Variants in BCAS3 observed in about 807,000 individuals in gnomAD.
BCAS3 encodes BCAS3 microtubule associated cell migration factor, also known as BCAS4/BCAS3 fusion.
A neutral mutation model predicts 116.1 loss-of-function variants in BCAS3; 53 were observed. The observed-to-expected ratio is 0.46, with a 90% CI of 0.37 to 0.57. BCAS3 has a LOEUF of 0.57. Ranked by LOEUF, BCAS3 falls within the 20% of genes least tolerant of loss-of-function variation. The pLI, the probability that BCAS3 is intolerant of heterozygous loss-of-function variation, is 0.00. For synonymous variants in BCAS3, 391 were observed against 408.2 expected, an observed-to-expected ratio of 0.96 and a Z score of 0.51; for missense variants, 917 against 1,165.4, an observed-to-expected ratio of 0.79 and a Z score of 3.10.
At position 61,151,387 on chromosome 17, in the gene BCAS3, T is replaced by C. The variant is rs1408739712; in HGVS notation, c.2425+66823T>C. 6.7e-6 allele frequency among the ~76,000 whole-genome samples: 1 copy of C among 148,950 alleles called. No homozygotes were observed. The highest frequency in any genetic ancestry group is 2.6e-5 in the African/African-American group (1 of 38,534). ...ACCACTACCTCCTCCTCCTGTTTTT[T>C]CCTACTTTTTTTTTTTTTAACCTGT... On this transcript the variant is annotated intron_variant, in intron 22 of 23. Transcript: ENST00000407086. The surrounding 1 kb of genome is among the most constrained non-coding windows in gnomAD (Gnocchi z 4.8).
intron 22 of BCAS3, among the ~76,000 whole-genome samples, chr17:61,291,845 C>T (rs567201444): frequency 3.3e-5 from 5 of 152,200 alleles, no homozygotes; most frequent in African/African-American, 4.8e-5. Context: ...CCTGTATGCA[C>T]GCCCGTGCTG....
intron 22 of BCAS3, among the ~76,000 whole-genome samples, chr17:61,216,367 A>C (rs2081785229): frequency 6.6e-6 from 1 of 152,090 alleles, no homozygotes; most frequent in Admixed American, 6.6e-5. Context: ...ACTGAAGGGG[A>C]AGCTTTTTTC....
chr17:61,237,187 G>A (rs1395046632), intron 22 of BCAS3, among the ~76,000 whole-genome samples: 6 of 152,266 alleles, frequency 3.9e-5, no homozygotes, highest in Middle Eastern at 3.4e-3. Context: ...ACACCAATCA[G>A]CACTCTGCAG....
chr17:60,860,479 TTAAG>T (rs2054062265), intron 7 of BCAS3, among the ~76,000 whole-genome samples: 1 of 152,208 alleles, frequency 6.6e-6, no homozygotes. Context: ...AGCTCTTTAA[TTAAG>T]TACCACTTGT....
At chr17:60,881,902 C>T (rs1282387336) in intron 9 of BCAS3, among the ~76,000 whole-genome samples, 5 of 148,324 alleles carry the variant, frequency 3.4e-5, no homozygotes, top group South Asian at 4.2e-4. Flanking sequence ...AATAAACATA[C>T]GTGTGCATGT....
Position 61,332,498 on chromosome 17 carries a change from A to C in BCAS3, c.2426-35829A>C, listed in dbSNP as rs1390662019. Reference sequence around the variant, plus strand: ...AAAGGAGGGAAACAATTTGACAGCAAGAAAAGAATCTCCTAAAGAGACTGT... The same window carrying C: ...AAAGGAGGGAAACAATTTGACAGCACGAAAAGAATCTCCTAAAGAGACTGT... On this transcript the variant is annotated intron_variant, in intron 22 of 23. Coordinates refer to ENST00000407086, the MANE Select transcript of BCAS3 (RefSeq NM_017679.5). The surrounding 1 kb of genome is among the most constrained non-coding windows in gnomAD (Gnocchi z 5.4). Among the ~76,000 whole-genome samples the C allele has an allele frequency of 6.6e-6, 1 of 152,224 alleles. No individual in the cohort carries two copies. The highest frequency in any genetic ancestry group is 2.4e-5 in the African/African-American group (1 of 41,458).
Position 61,332,426 on chromosome 17 carries a change from G to T in BCAS3, c.2426-35901G>T, listed in dbSNP as rs982381064. Among the ~76,000 whole-genome samples, 1 of 152,046 alleles carries T rather than the reference G, an allele frequency of 6.6e-6. No homozygotes were observed. Among genetic ancestry groups the T allele is most frequent in the African/African-American group, 2.4e-5 (1 of 41,402 alleles). ...GGGAGCCCCTGCTTGCCATGTTTGT[G>T]AGGGGCAAACACTTCACTGGTTGGT... On this transcript the variant is annotated intron_variant, in intron 22 of 23. Coordinates refer to ENST00000407086, the MANE Select transcript of BCAS3 (RefSeq NM_017679.5). The surrounding 1 kb of genome is among the most constrained non-coding windows in gnomAD (Gnocchi z 5.4).
chr17:61,183,734 G>T (rs1394006551), intron 22 of BCAS3, among the ~76,000 whole-genome samples: 1 of 152,220 alleles, frequency 6.6e-6, no homozygotes, highest in Non-Finnish European at 1.5e-5. Context: ...TACCTATAGT[G>T]CCTGATTGAA....
At chr17:61,206,886 T>C (rs1339626157) in intron 22 of BCAS3, among the ~76,000 whole-genome samples, 1 of 150,834 alleles carries the variant, frequency 6.6e-6, no homozygotes, top group African/African-American at 2.4e-5. Flanking sequence ...CCAATCAAGT[T>C]GTTTTGTATG....
In BCAS3 at chr17:61,004,662, G is replaced by T. The variant is rs2064520928; in HGVS notation, c.1487-11089G>T. On this transcript the variant is annotated intron_variant, in intron 15 of 23. Transcript: ENST00000407086. The surrounding 1 kb of genome is among the most constrained non-coding windows in gnomAD (Gnocchi z 4.8). ...TGGTTCTTACCATGATGAGGTAAAT[G>T]ATATTTTGAATTTGGAGGAGGATGA... 6.6e-6 allele frequency among the ~76,000 whole-genome samples: 1 copy of T among 152,090 alleles called. No homozygotes were observed. The highest frequency in any genetic ancestry group is 2.1e-4 in the South Asian group (1 of 4,822).
intron 22 of BCAS3, among the ~76,000 whole-genome samples, chr17:61,108,644 G>GTTTTTTTTTTTTTTTTTTTTT: frequency 6.8e-6 from 1 of 147,974 alleles, no homozygotes; most frequent in African/African-American, 2.5e-5. Context: ...TTGGGGAACA[G>GTTTTTTTTTTTTTTTTTTTTT]GTGGTGTTTG....
At chr17:60,793,131 T>C (rs1055702853) in intron 6 of BCAS3, among the ~76,000 whole-genome samples, 2 of 152,190 alleles carry the variant, frequency 1.3e-5, no homozygotes, top group Non-Finnish European at 2.9e-5. Context: ...GGAGTCTCAC[T>C]CTGTCGCCCA....
intron 19 of BCAS3, among the ~76,000 whole-genome samples, chr17:61,043,486 T>G (rs957522264): frequency 4.6e-5 from 7 of 152,088 alleles, no homozygotes. Context: ...TTTATAAGGC[T>G]GATGAGAAAA....
chr17:61,364,568 C>T lies in BCAS3; in HGVS notation c.2426-3759C>T, dbSNP rs1309987136. Among the ~76,000 whole-genome samples the T allele has an allele frequency of 6.6e-6, 1 of 152,118 alleles. No homozygotes were observed. Among genetic ancestry groups the T allele is most frequent in the African/African-American group, 2.4e-5 (1 of 41,424 alleles). ...CCATCTTGACAAAAAATTAGCTGGG[C>T]ATGGTGGTGCACACCTGTAGTCCCA... On this transcript the variant is annotated intron_variant, in intron 22 of 23. Coordinates refer to ENST00000407086, the MANE Select transcript of BCAS3 (RefSeq NM_017679.5). This position sits in a 1 kb window ranked among gnomAD's most constrained non-coding sequence, Gnocchi z 5.4.
Position 61,141,890 on chromosome 17 carries a change from A to G in BCAS3, c.2425+57326A>G, listed in dbSNP as rs1325775784. Among the ~76,000 whole-genome samples the G allele has an allele frequency of 7.7e-6, 1 of 130,650 alleles. No homozygotes were observed. The highest frequency in any genetic ancestry group is 1.6e-5 in the Non-Finnish European group (1 of 62,974). The allele number at this position is 130,650 out of a possible 152,430, so 85.7% of individuals were successfully genotyped here. Reference sequence around the variant, plus strand: ...CACTCCAGCCTGGTGACAGAGCGAGACCCCACCTCAAGAAAAAAAAAAAAA... The same window carrying G: ...CACTCCAGCCTGGTGACAGAGCGAGGCCCCACCTCAAGAAAAAAAAAAAAA... On this transcript the variant is annotated intron_variant, in intron 22 of 23. Transcript: ENST00000407086. The surrounding 1 kb of genome is among the most constrained non-coding windows in gnomAD (Gnocchi z 4.3).
intron 13 of BCAS3, among the ~76,000 whole-genome samples, chr17:60,938,827 A>G (rs1406277848): frequency 6.6e-6 from 1 of 152,210 alleles, no homozygotes; most frequent in Non-Finnish European, 1.5e-5. Flanking sequence ...AAAATATTTA[A>G]AAGCCAGTAA....
Position 61,046,628 on chromosome 17 carries a change from A to G in BCAS3, c.2029+5736A>G, listed in dbSNP as rs374420551. 2.6e-5 allele frequency among the ~76,000 whole-genome samples: 4 copies of G among 151,934 alleles called. No homozygotes were observed. In the South Asian group the frequency reaches 6.2e-4, roughly 24 times the overall value. On this transcript the variant is annotated intron_variant, in intron 19 of 23. Coordinates refer to ENST00000407086, the MANE Select transcript of BCAS3 (RefSeq NM_017679.5). ...ATCATGACAAGAAAAAAGTCTAGAC[A>G]TGTTCGGTAGAGACGCAACCATCCT... is the stretch of plus-strand genomic sequence containing the variant.
chr17:60,942,333 A>G (rs9891637), intron 13 of BCAS3, among the ~76,000 whole-genome samples: 29,533 of 152,024 alleles, frequency 0.19, 3,278 homozygotes, highest in African/African-American at 0.31. Flanking sequence ...AGGCTGTGGC[A>G]GGAGAATTGC....
chr17:61,196,777 A>T lies in BCAS3; in HGVS notation c.2425+112213A>T, dbSNP rs577144513. On this transcript the variant is annotated intron_variant, in intron 22 of 23. Transcript: ENST00000407086. The surrounding 1 kb of genome is among the most constrained non-coding windows in gnomAD (Gnocchi z 4.7). ...CATTCATGCTCCGTTTTTTCTGTTT[A>T]TCATAGGGTCTAATACACATTTTAA... Among the ~76,000 whole-genome samples the T allele has an allele frequency of 2.6e-5, 4 of 152,340 alleles. No homozygotes were observed. In the East Asian group the frequency reaches 7.7e-4, roughly 29 times the overall value.
Sources: allele counts gnomAD v4.1 joint callset (sites outside exome capture counted in the v4.1 genomes callset), GRCh38; gene constraint gnomAD v4.1.1; non-coding constraint Gnocchi (gnomAD v3.1); transcripts MANE v1.5; gene names NCBI Gene and HGNC (gene_info 2026-07-23, HGNC 2026-07-21).